The following KALRN variants were observed in gnomAD, a reference collection of about 807,000 sequenced individuals.
KALRN encodes the protein kalirin.
Under a neutral mutation model 353.7 loss-of-function variants are expected in KALRN, and 70 were observed. The observed-to-expected ratio is 0.20, with a 90% CI of 0.16 to 0.24. KALRN has a LOEUF of 0.24. Ranked by LOEUF, KALRN falls within the 10% of genes least tolerant of loss-of-function variation. The pLI, the probability that KALRN is intolerant of heterozygous loss-of-function variation, is 1.00. For missense variants in KALRN, 2,791 were observed against 3,756.7 expected (o/e 0.74, Z 6.72); for synonymous variants, 1,391 against 1,434.8 (o/e 0.97, Z 0.69).
intron 33 of KALRN, among the ~76,000 whole-genome samples, chr3:124,530,666 G>A (rs1378687509): frequency 6.6e-6 from 1 of 152,084 alleles, no homozygotes; most frequent in Non-Finnish European, 1.5e-5. Flanking sequence ...TTACAAGCCG[G>A]GTTGTTTTAA....
At chr3:124,119,821 G>A (rs982985702) in intron 1 of KALRN, among the ~76,000 whole-genome samples, 8 of 152,246 alleles carry the variant, frequency 5.3e-5, no homozygotes, top group Admixed American at 3.9e-4. Context: ...CAAACCCTGA[G>A]ACAGCTTTCA....
chr3:124,654,902 G>T (rs2083834460), intron 38 of KALRN, among the ~76,000 whole-genome samples: 1 of 152,212 alleles, frequency 6.6e-6, no homozygotes, highest in Non-Finnish European at 1.5e-5. Context: ...ATGGTAGAAA[G>T]AATTAACAAG....
intron 9 of KALRN, among the ~76,000 whole-genome samples, chr3:124,346,740 C>T (rs373911212): frequency 4.6e-5 from 7 of 152,098 alleles, no homozygotes; most frequent in South Asian, 2.1e-4. Context: ...GGCAGCGTGA[C>T]GGATGAGTAA....
chr3:124,523,872 G>A (rs2067361521), intron 33 of KALRN, among the ~76,000 whole-genome samples: 1 of 152,156 alleles, frequency 6.6e-6, no homozygotes, highest in African/African-American at 2.4e-5. Flanking sequence ...CTTCTATACT[G>A]TCTTTGACTA....
At chr3:124,337,584 G>A (rs28814330) in intron 9 of KALRN, among the ~76,000 whole-genome samples, 13,002 of 152,186 alleles carry the variant, frequency 0.085, 682 homozygotes, top group Middle Eastern at 0.14. Flanking sequence ...TGTTCATCAG[G>A]GATATTGGCC....
At chr3:124,411,216 G>A (rs963985330) in intron 13 of KALRN, among the ~76,000 whole-genome samples, 4 of 152,054 alleles carry the variant, frequency 2.6e-5, no homozygotes, top group Admixed American at 2.0e-4. Flanking sequence ...GGATGGATTG[G>A]AAGGGGGCAC....
intron 11 of KALRN, among the ~76,000 whole-genome samples, chr3:124,393,932 T>C (rs1457683604): frequency 6.6e-6 from 1 of 152,242 alleles, no homozygotes; most frequent in Non-Finnish European, 1.5e-5. Flanking sequence ...ATTTTTTTAA[T>C]CTTCCCTTAT....
chr3:124,633,986 C>CAAGTA, intron 36 of KALRN, 33 bp downstream of exon 36: 1 of 1,554,116 alleles, frequency 6.4e-7, no homozygotes, highest in Non-Finnish European at 8.9e-7. Context: ...CTTAAAAGAG[C>CAAGTA]AACGTGCCGT....
intron 33 of KALRN, chr3:124,518,342 C>A: frequency 7.1e-7 from 1 of 1,414,430 alleles, no homozygotes. Context: ...TACGGGATCT[C>A]ATGCAGATTT....
chr3:124,377,280 T>C (rs1300357948), intron 10 of KALRN, among the ~76,000 whole-genome samples: 1 of 152,210 alleles, frequency 6.6e-6, no homozygotes, highest in African/African-American at 2.4e-5. Context: ...GGACACCTGG[T>C]TAACTGATGC....
intron 9 of KALRN, among the ~76,000 whole-genome samples, chr3:124,337,172 TG>T (rs2081221347): frequency 6.6e-6 from 1 of 152,206 alleles, no homozygotes; most frequent in East Asian, 1.9e-4. Context: ...CTGATTGCCC[TG>T]GCCAGAACTT....
chr3:124,627,281 A>G (rs1367689965), intron 34 of KALRN, among the ~76,000 whole-genome samples: 2 of 152,248 alleles, frequency 1.3e-5, no homozygotes, highest in East Asian at 3.8e-4. Context: ...AGATTCCCAT[A>G]ACTTGGGCCA....
Position 124,719,426 on chromosome 3 carries a change from A to G in KALRN, c.8917A>G (p.Asn2973Asp). ...KHQNDVRPIP[N>D]VKSYIVNRVN... The stretch of plus-strand genomic sequence containing the variant: ...CCAGAATGATGTGCGGCCTATTCCC[A>G]ATGTCAAGAGCTACATTGTCAACCG... Residue 2973 changes from asparagine to aspartate, a missense_variant, in exon 60 of 60, where the codon AAT becomes GAT. This residue lies in a region of KALRN where 32 missense variants were observed against 27.4 expected (regional missense o/e 1.17). Coordinates refer to ENST00000682506, the MANE Select transcript of KALRN (RefSeq NM_001388419.1). This position sits in a 1 kb window ranked among gnomAD's most constrained non-coding sequence, Gnocchi z 5.3. 2 of 1,614,122 alleles carry G rather than the reference A, an allele frequency of 1.2e-6. No individual in the cohort carries two copies.
chr3:124,188,431 GC>G (rs1178663313), intron 1 of KALRN, among the ~76,000 whole-genome samples: 11 of 152,318 alleles, frequency 7.2e-5, no homozygotes, highest in African/African-American at 2.4e-4. Flanking sequence ...TCCCTTCAGA[GC>G]AAAAGCTGCT....
At chr3:124,589,211 A>G (rs1480912885) in intron 34 of KALRN, among the ~76,000 whole-genome samples, 1 of 152,246 alleles carries the variant, frequency 6.6e-6, no homozygotes, top group Non-Finnish European at 1.5e-5. Flanking sequence ...AAATTAATAT[A>G]GCCCATTTGA....
At chr3:124,333,036 A>C (rs1165936565) in intron 8 of KALRN, among the ~76,000 whole-genome samples, 2 of 152,210 alleles carry the variant, frequency 1.3e-5, no homozygotes, top group Non-Finnish European at 2.9e-5. Flanking sequence ...TCATGGCAGA[A>C]AGAGGAGGAG....
At chr3:124,590,980 G>C (rs568272393) in intron 34 of KALRN, among the ~76,000 whole-genome samples, 1 of 152,030 alleles carries the variant, frequency 6.6e-6, no homozygotes, top group Non-Finnish European at 1.5e-5. Context: ...GCTTGTCTTC[G>C]TCTGAACAGA....
At position 124,462,547 on chromosome 3, in the gene KALRN, T is replaced by G; in HGVS notation, c.3945T>G (p.Ser1315Arg). The stretch of plus-strand genomic sequence containing the variant: ...AGACCTACCTGTGGGAAATGACCAG[T>G]GGTGTGGAGGAGATCCCCCCTGGGA... ...CLETYLWEMT[S>R]GVEEIPPGIL... The change falls in exon 25 of 60, where the codon AGT becomes AGG. Residue 1315 changes from serine (S) to arginine (R), a missense_variant. Ser to Arg is a moderately radical substitution (Grantham distance 110). Coordinates refer to ENST00000682506, the MANE Select transcript of KALRN (RefSeq NM_001388419.1). 6.2e-7 allele frequency: 1 copy of G among 1,608,890 alleles called. No individual in the cohort carries two copies. The highest frequency in any genetic ancestry group is 8.5e-7 in the Non-Finnish European group (1 of 1,175,326).
intron 38 of KALRN, among the ~76,000 whole-genome samples, chr3:124,653,563 G>C (rs1578685982): frequency 1.3e-5 from 2 of 152,152 alleles, no homozygotes; most frequent in African/African-American, 4.8e-5. Flanking sequence ...ATGAGGCCAT[G>C]CTGCAATTTT....
Sources: gnomAD v4.1 joint callset for allele counts (sites outside exome capture counted in the v4.1 genomes callset) on GRCh38, gnomAD v4.1.1 for gene constraint, gnomAD v4.1.1 regional missense constraint, Gnocchi (gnomAD v3.1) non-coding constraint, MANE v1.5 for transcripts, NCBI Gene and HGNC (gene_info 2026-07-23, HGNC 2026-07-21) for gene names.